TRRAP: variants seen among roughly 807,000 people sequenced by gnomAD.
TRRAP encodes the protein transformation/transcription domain-associated protein.
TRRAP carries 41 observed loss-of-function variants against 438.8 expected under a neutral mutation model. The ratio of observed to expected loss-of-function variants is 0.09; its 90% confidence interval spans 0.07 to 0.12. The LOEUF (loss-of-function observed/expected upper bound fraction) is 0.12. TRRAP is among the 10% of genes least tolerant of loss of function. TRRAP has a pLI of 1.00. For missense variants in TRRAP, 3,122 were observed against 5,055.1 expected (o/e 0.62, Z 11.60); for synonymous variants, 1,994 against 1,962.9 (o/e 1.02, Z -0.42).
intron 22 of TRRAP, among the ~76,000 whole-genome samples, chr7:98,926,161 C>T (rs758249783): frequency 5.5e-4 from 84 of 151,998 alleles, no homozygotes; most frequent in Non-Finnish European, 9.3e-4. Flanking sequence ...GAGTAAGAGA[C>T]ATGAAGAGTA....
Position 99,005,751 on chromosome 7 carries a change from TC to T in TRRAP, c.10753+404del, listed in dbSNP as rs1794134287. Among the ~76,000 whole-genome samples the T allele has an allele frequency of 6.6e-6, 1 of 152,112 alleles. No homozygotes were observed. Among genetic ancestry groups the T allele is most frequent in the African/African-American group, 2.4e-5 (1 of 41,416 alleles). On this transcript the variant is annotated intron_variant, in intron 69 of 72. Transcript: ENST00000456197. This position sits in a 1 kb window ranked among gnomAD's most constrained non-coding sequence, Gnocchi z 5.1. ...TATTTTATGTGTGGCCTGAGACAAT[TC>T]TTCCAATGTGGCCCAGGGAAGCCAA...
At chr7:98,921,495 C>T (rs1789793016) in intron 20 of TRRAP, among the ~76,000 whole-genome samples, 1 of 152,188 alleles carries the variant, frequency 6.6e-6, no homozygotes, top group Non-Finnish European at 1.5e-5. Flanking sequence ...CCCACCTCAG[C>T]ATCCCAAATA....
At chr7:98,983,982 C>G in intron 60 of TRRAP, 111 bp from the exon 61 acceptor site, 2 of 1,348,860 alleles carry the variant, frequency 1.5e-6, no homozygotes, top group Admixed American at 5.7e-5. Flanking sequence ...ACAGAGCTGC[C>G]CATTTTCATA....
intron 53 of TRRAP, among the ~76,000 whole-genome samples, chr7:98,973,318 A>G (rs940156752): frequency 3.9e-5 from 6 of 152,330 alleles, no homozygotes; most frequent in African/African-American, 1.4e-4. Context: ...CTATAAGTCC[A>G]TGTCCTGAAG....
At chr7:98,936,823 T>C (rs1790578185) in intron 28 of TRRAP, among the ~76,000 whole-genome samples, 1 of 152,206 alleles carries the variant, frequency 6.6e-6, no homozygotes, top group Admixed American at 6.5e-5. Flanking sequence ...ACTCTTAGAT[T>C]ATACTCAACA....
intron 19 of TRRAP, among the ~76,000 whole-genome samples, chr7:98,916,375 C>T (rs554349317): frequency 1.3e-5 from 2 of 152,284 alleles, no homozygotes; most frequent in East Asian, 3.9e-4. Flanking sequence ...TAGGAATGCT[C>T]TCAAGGTACA....
intron 52 of TRRAP, 28 bp from the exon 53 acceptor site, chr7:98,971,771 T>C (rs1792429596): frequency 1.2e-6 from 2 of 1,606,860 alleles, no homozygotes; most frequent in Non-Finnish European, 8.5e-7. Flanking sequence ...TTTGACCTTT[T>C]GGTTTTGCTT....
intron 20 of TRRAP, among the ~76,000 whole-genome samples, chr7:98,918,673 A>G (rs1789640691): frequency 6.6e-6 from 1 of 152,346 alleles, no homozygotes; most frequent in East Asian, 1.9e-4. Context: ...AAGGAAAGAT[A>G]TAGGTGTTTG....
rs982805417 is a variant in TRRAP, at chr7:98,994,013, T to A, written c.10047+276T>A. ...ATGTCCCTGAGCTCAGTGACCTGAG[T>A]GCCACTGTTAACCAGGTGTGAGCAG... On this transcript the variant is annotated intron_variant, in intron 66 of 72. Transcript: ENST00000456197. The surrounding 1 kb of genome is among the most constrained non-coding windows in gnomAD (Gnocchi z 4.8). Among the ~76,000 whole-genome samples, 5 of 152,186 alleles carry A rather than the reference T, an allele frequency of 3.3e-5. No individual in the cohort carries two copies. The highest frequency in any genetic ancestry group is 4.4e-5 in the Non-Finnish European group (3 of 68,024).
chr7:98,980,141 A>G (rs1292158420), intron 58 of TRRAP, among the ~76,000 whole-genome samples: 2 of 152,224 alleles, frequency 1.3e-5, no homozygotes, highest in East Asian at 1.9e-4. Flanking sequence ...ATCGAGAACT[A>G]AGAGGTACCA....
Position 98,930,075 on chromosome 7 carries a change from G to C in TRRAP, c.3262G>C (p.Asp1088His). 1 of 1,614,198 alleles carries C rather than the reference G, an allele frequency of 6.2e-7. No individual in the cohort carries two copies. The highest frequency in any genetic ancestry group is 8.5e-7 in the Non-Finnish European group (1 of 1,180,048). The stretch of plus-strand genomic sequence containing the variant: ...TGAAGAAAATGGCTCGAAAGGAATG[G>C]ATCCTTTGGTTCTCATTGATGCAAT... ...HSEENGSKGM[D>H]PLVLIDAIAI... The change falls in exon 24 of 73, where the codon GAT becomes CAT. Residue 1088 changes from aspartate (D) to histidine (H), a missense_variant. Asp to His is a moderately conservative substitution (Grantham distance 81). Around this residue, in one of 24 missense-constraint regions of TRRAP, gnomAD observed 54 missense variants for 74.6 expected, o/e 0.72. Transcript: ENST00000456197.
At chr7:98,891,305 A>G (rs184176438) in intron 4 of TRRAP, among the ~76,000 whole-genome samples, 3,262 of 143,906 alleles carry the variant, frequency 0.023, 68 homozygotes, top group South Asian at 0.042. Context: ...TCTGCCTCCC[A>G]GGTTCAAACA....
intron 3 of TRRAP, among the ~76,000 whole-genome samples, chr7:98,890,043 C>A (rs782577926): frequency 6.6e-6 from 1 of 152,152 alleles, no homozygotes; most frequent in Non-Finnish European, 1.5e-5. Context: ...ATAGAGGTTT[C>A]ATACTTAGAT....
intron 7 of TRRAP, among the ~76,000 whole-genome samples, chr7:98,896,821 G>T (rs1250679521): frequency 6.6e-6 from 1 of 152,222 alleles, no homozygotes; most frequent in Non-Finnish European, 1.5e-5. Context: ...GTCAAGTCCT[G>T]CCACCTGCCC....
rs1245471342 is a variant in TRRAP, at chr7:98,949,363, C to T, written c.4789-54C>T. 5 of 1,438,338 alleles carry T rather than the reference C, an allele frequency of 3.5e-6. No homozygotes were observed. The Admixed American group carries it at 8.0e-5, about 23-fold the overall frequency. 89.1% of individuals were successfully genotyped at this position (1,438,338 alleles called of 1,614,324 possible). On this transcript the variant is annotated intron_variant, in intron 35 of 72. Transcript: ENST00000456197. Reference sequence around the variant, plus strand: ...AAGATTTAACATTCATATCCTCTAACTTTCTGTGAGTTTGATTAGCTTAAA... The same window carrying T: ...AAGATTTAACATTCATATCCTCTAATTTTCTGTGAGTTTGATTAGCTTAAA...
chr7:98,932,578 G>A (rs1258508279), intron 26 of TRRAP, among the ~76,000 whole-genome samples: 4 of 151,792 alleles, frequency 2.6e-5, no homozygotes, highest in African/African-American at 7.3e-5. Flanking sequence ...TCCTGGGGTC[G>A]AGCAGTCCTC....
At chr7:98,903,080 G>A (rs368456330) in intron 11 of TRRAP, among the ~76,000 whole-genome samples, 2 of 152,124 alleles carry the variant, frequency 1.3e-5, no homozygotes, top group Admixed American at 6.5e-5. Context: ...GGAGTGCAGT[G>A]GCTTGATCTT....
intron 3 of TRRAP, among the ~76,000 whole-genome samples, chr7:98,883,988 T>G (rs1387638089): frequency 2.0e-5 from 3 of 152,186 alleles, no homozygotes; most frequent in African/African-American, 7.2e-5. Context: ...GGAGGATCTG[T>G]GGATAGCCCA....
intron 17 of TRRAP, 62 bp downstream of exon 17, chr7:98,911,333 C>A: frequency 7.0e-7 from 1 of 1,424,572 alleles, no homozygotes; most frequent in South Asian, 1.4e-5. Context: ...GTCTTAAATA[C>A]TTTTTCATTT....
Sources: gnomAD v4.1 joint callset for allele counts (sites outside exome capture counted in the v4.1 genomes callset) on GRCh38, gnomAD v4.1.1 for gene constraint, gnomAD v4.1.1 regional missense constraint, Gnocchi (gnomAD v3.1) non-coding constraint, MANE v1.5 for transcripts, NCBI Gene and HGNC (gene_info 2026-07-23, HGNC 2026-07-21) for gene names.